Variants in TMEM87B observed in about 807,000 individuals in gnomAD.
TMEM87B encodes transmembrane protein 87B.
In TMEM87B, 83 loss-of-function variants were observed where a neutral mutation model predicts 80.3. That is an observed-to-expected ratio of 1.03 (90% CI 0.87 to 1.24). The LOEUF (loss-of-function observed/expected upper bound fraction) is 1.24, where lower values mean the gene tolerates loss of function less well. Among genes scored for constraint, TMEM87B ranks in the 50% most tolerant of loss-of-function variants. The pLI, the probability that TMEM87B is intolerant of heterozygous loss-of-function variation, is 0.00. For missense variants in TMEM87B, 625 were observed against 674.4 expected, an observed-to-expected ratio of 0.93 and a Z score of 0.81; for synonymous variants, 219 against 230.5, an observed-to-expected ratio of 0.95 and a Z score of 0.45.
intron 9 of TMEM87B, among the ~76,000 whole-genome samples, chr2:112,087,711 C>G (rs751143378): frequency 1.3e-5 from 2 of 152,158 alleles, no homozygotes; most frequent in Non-Finnish European, 2.9e-5. Flanking sequence ...AGCCCTCCCT[C>G]CACCCCACAT....
At position 112,118,574 on chromosome 2, in the gene TMEM87B, T is replaced by C. The variant is rs1377490766; in HGVS notation, c.*2431T>C. ...TAGATTAGTATTTAAATATCTGCTT[T>C]AGATAGCAATTAATTTTATTGTAAA... On this transcript the variant is annotated 3_prime_UTR_variant, in exon 19 of 19. Transcript: ENST00000283206. The C allele has an allele frequency of 6.6e-6, 1 of 152,216 alleles. No individual in the cohort carries two copies. The highest frequency in any genetic ancestry group is 1.5e-5 in the Non-Finnish European group (1 of 68,032). 9.4% of individuals were successfully genotyped at this position (152,216 alleles called of 1,614,324 possible). A position where few individuals can be genotyped will look rare whatever the true frequency, so the allele number is the denominator to read the frequency against.
At chr2:112,109,467 A>G (rs1679853374) in intron 17 of TMEM87B, among the ~76,000 whole-genome samples, 1 of 152,008 alleles carries the variant, frequency 6.6e-6, no homozygotes, top group South Asian at 2.1e-4. Context: ...GGATATAGAA[A>G]TCTTGATTGA....
At chr2:112,112,678 A>G (rs190551987) in intron 17 of TMEM87B, among the ~76,000 whole-genome samples, 26 of 152,288 alleles carry the variant, frequency 1.7e-4, no homozygotes, top group East Asian at 9.6e-4. Flanking sequence ...ATAACCCGCA[A>G]TTTACCCATT....
At position 112,060,560 on chromosome 2, in the gene TMEM87B, A is replaced by T. The variant is rs1165488922; in HGVS notation, c.226+523A>T. Among the ~76,000 whole-genome samples, 5 of 150,840 alleles carry T rather than the reference A, an allele frequency of 3.3e-5. No individual in the cohort carries two copies. The East Asian group carries it at 5.9e-4, about 18-fold the overall frequency. ...TTTTTCTTTTTTTTTTTCTTGAGAC[A>T]GAGTCTTTCTCTGTCACCCAGGCTG... On this transcript the variant is annotated intron_variant, in intron 2 of 18. Coordinates refer to ENST00000283206, the MANE Select transcript of TMEM87B (RefSeq NM_032824.3).
At chr2:112,105,753 A>G in intron 15 of TMEM87B, 1 of 360,234 alleles carries the variant, frequency 2.8e-6, no homozygotes. Flanking sequence ...TTTAAACTCT[A>G]AAACTAGGAT....
intron 8 of TMEM87B, among the ~76,000 whole-genome samples, chr2:112,082,472 G>A (rs1196989852): frequency 2.0e-5 from 3 of 152,126 alleles, no homozygotes; most frequent in Admixed American, 6.5e-5. Context: ...TTGGCGTAAC[G>A]TTGCTAATTA....
At chr2:112,089,532 C>G in intron 9 of TMEM87B, 93 bp from the exon 10 acceptor site, 1 of 1,128,538 alleles carries the variant, frequency 8.9e-7, no homozygotes, top group Non-Finnish European at 1.3e-6. Flanking sequence ...TAGTGACTTC[C>G]TGGTATTGGA....
chr2:112,080,805 C>T (rs541146721), intron 6 of TMEM87B, among the ~76,000 whole-genome samples: 104 of 152,298 alleles, frequency 6.8e-4, no homozygotes, highest in Non-Finnish European at 1.1e-3. Context: ...AATCATTGCT[C>T]AGACCAGTGT....
chr2:112,089,468 C>T (rs182146171), intron 9 of TMEM87B, among the ~76,000 whole-genome samples, 157 bp from the exon 10 acceptor site: 2 of 152,318 alleles, frequency 1.3e-5, no homozygotes, highest in African/African-American at 4.8e-5. Context: ...TGTTCCTGGG[C>T]CTGTTTCCTA....
rs1028559299 is a variant in TMEM87B, at chr2:112,110,438, C to T, written c.1578-2461C>T. On this transcript the variant is annotated intron_variant, in intron 17 of 18. Coordinates refer to ENST00000283206, the MANE Select transcript of TMEM87B (RefSeq NM_032824.3). ...AATGTTTTTAATATTGCCAAATGTT[C>T]TTTTTAAGTTATTGTATTTAATTTG... Among the ~76,000 whole-genome samples the T allele has an allele frequency of 1.5e-4, 23 of 151,966 alleles. No individual in the cohort carries two copies. In the South Asian group the frequency reaches 1.7e-3, roughly 11 times the overall value.
rs1358447824 is a variant in TMEM87B, at chr2:112,116,129, G to T, written c.1654G>T (p.Glu552Ter). The T allele has an allele frequency of 5.0e-6, 8 of 1,612,556 alleles. No individual in the cohort carries two copies. The African/African-American group carries it at 6.7e-5, about 13-fold the overall frequency. The change falls in exon 19 of 19, where the codon GAA becomes TAA. Residue 552 changes from glutamate (E) to a stop codon, truncating the protein, a stop_gained. Coordinates refer to ENST00000283206, the MANE Select transcript of TMEM87B (RefSeq NM_032824.3). LOFTEE classifies it high-confidence loss of function. ...AATGGCTGAAAAAATGTTCTCTTCA[G>T]AAAAGATAATGTGATTGGAACCCGT... ...SEMAEKMFSS[E>*]KIM
At chr2:112,110,735 C>T (rs1679887871) in intron 17 of TMEM87B, among the ~76,000 whole-genome samples, 1 of 152,012 alleles carries the variant, frequency 6.6e-6, no homozygotes, top group Non-Finnish European at 1.5e-5. Context: ...TCCCACCGCC[C>T]CCCCCAACTT....
At chr2:112,070,514 A>G (rs757596701) in intron 4 of TMEM87B, among the ~76,000 whole-genome samples, 3 of 152,040 alleles carry the variant, frequency 2.0e-5, no homozygotes, top group South Asian at 4.1e-4. Context: ...TGGGCTCTCT[A>G]TTCTGTTCCA....
chr2:112,065,271 A>G (rs1186031235), intron 3 of TMEM87B, among the ~76,000 whole-genome samples: 1 of 152,238 alleles, frequency 6.6e-6, no homozygotes, highest in Non-Finnish European at 1.5e-5. Context: ...CTAAGAACAG[A>G]GATATTCATT....
At position 112,082,485 on chromosome 2, in the gene TMEM87B, G is replaced by A. The variant is rs1339345776; in HGVS notation, c.838+967G>A. 2.0e-5 allele frequency among the ~76,000 whole-genome samples: 3 copies of A among 152,168 alleles called. No homozygotes were observed. The East Asian group carries it at 5.8e-4, about 29-fold the overall frequency. On this transcript the variant is annotated intron_variant, in intron 8 of 18. Coordinates refer to ENST00000283206, the MANE Select transcript of TMEM87B (RefSeq NM_032824.3). Reference sequence around the variant, plus strand: ...ATTTGGCGTAACGTTGCTAATTATTGAAGCTGCATGATGGGCACAAGGGAA... The same window carrying A: ...ATTTGGCGTAACGTTGCTAATTATTAAAGCTGCATGATGGGCACAAGGGAA...
intron 5 of TMEM87B, 35 bp downstream of exon 5, chr2:112,074,997 C>A: frequency 6.4e-7 from 1 of 1,569,834 alleles, no homozygotes; most frequent in African/African-American, 1.4e-5. Flanking sequence ...ATCAAATATA[C>A]ACAAGTTAAC....
chr2:112,080,796 A>T (rs7562015), intron 6 of TMEM87B, among the ~76,000 whole-genome samples: 1 of 152,214 alleles, frequency 6.6e-6, no homozygotes, highest in African/African-American at 2.4e-5. Flanking sequence ...AATCCAAAAA[A>T]TCATTGCTCA....
At position 112,073,490 on chromosome 2, in the gene TMEM87B, T is replaced by C. The variant is rs113962329; in HGVS notation, c.451-1422T>C. 1.3e-3 allele frequency among the ~76,000 whole-genome samples: 191 copies of C among 152,350 alleles called. 1 individual carries two copies. Among genetic ancestry groups the C allele is most frequent in the African/African-American group, 4.3e-3 (178 of 41,590 alleles). On this transcript the variant is annotated intron_variant, in intron 4 of 18. Transcript: ENST00000283206. Reference sequence around the variant, plus strand: ...AGTGGTTGGTATGATTTTGGTTCTTTTGCGTTTTCTGAGCATTGTTTTATT... The same window carrying C: ...AGTGGTTGGTATGATTTTGGTTCTTCTGCGTTTTCTGAGCATTGTTTTATT...
intron 4 of TMEM87B, 92 bp downstream of exon 4, chr2:112,067,159 G>C: frequency 6.7e-7 from 1 of 1,492,258 alleles, no homozygotes; most frequent in Non-Finnish European, 9.1e-7. Flanking sequence ...TTTTGATAAA[G>C]GTGGTATCTG....
Sources: allele counts gnomAD v4.1 joint callset (sites outside exome capture counted in the v4.1 genomes callset), GRCh38; gene constraint gnomAD v4.1.1; transcripts MANE v1.5; gene names NCBI Gene and HGNC (gene_info 2026-07-23, HGNC 2026-07-21).